The following ZNF462 variants were observed in gnomAD, a reference collection of about 807,000 sequenced individuals.
The protein encoded by ZNF462 is zinc finger protein 462, also known as zinc finger PBX1-interacting protein.
ZNF462 carries 10 observed loss-of-function variants against 201.9 expected under a neutral mutation model. The observed-to-expected ratio is 0.05, with a 90% CI of 0.03 to 0.08. The LOEUF is 0.08. ZNF462 is among the 10% of genes least tolerant of loss of function. ZNF462 has a pLI of 1.00. For synonymous variants in ZNF462, 1,227 were observed against 1,193.3 expected (o/e 1.03, Z -0.58); for missense variants, 2,523 against 3,168.3 (o/e 0.80, Z 4.89).
rs1588150766 is a variant in ZNF462, at chr9:106,981,021, C to G, written c.6833-3165C>G. ...TTCAGAAAACACTGTCAGTCATTTGCCCACCTTTTAAAGTCTGTCTTTTTT... is the reference window on the plus strand; with the variant it reads ...TTCAGAAAACACTGTCAGTCATTTGGCCACCTTTTAAAGTCTGTCTTTTTT... On this transcript the variant is annotated intron_variant, in intron 9 of 12. Coordinates refer to ENST00000277225, the MANE Select transcript of ZNF462 (RefSeq NM_021224.6). This position sits in a 1 kb window ranked among gnomAD's most constrained non-coding sequence, Gnocchi z 4.0. Among the ~76,000 whole-genome samples, 1 of 152,162 alleles carries G rather than the reference C, an allele frequency of 6.6e-6. No homozygotes were observed. The highest frequency in any genetic ancestry group is 2.4e-5 in the African/African-American group (1 of 41,442).
intron 1 of ZNF462, among the ~76,000 whole-genome samples, chr9:106,863,971 G>A (rs879888474): frequency 6.8e-6 from 1 of 146,132 alleles, no homozygotes; most frequent in African/African-American, 2.5e-5. Context: ...TCCCCCTTCT[G>A]TCTGCCTGTC....
rs1203069960 is a variant in ZNF462 at position 106,913,985 on chromosome 9, G to T, written c.-30-9369G>T. ...CTGTGCAAAGGTGGATACAAAGGCC[G>T]TATCACTAGGAAAGACAGACCAGTC... On this transcript the variant is annotated intron_variant, in intron 1 of 12. Coordinates refer to ENST00000277225, the MANE Select transcript of ZNF462 (RefSeq NM_021224.6). This position sits in a 1 kb window ranked among gnomAD's most constrained non-coding sequence, Gnocchi z 4.1. Among the ~76,000 whole-genome samples the T allele has an allele frequency of 6.7e-6, 1 of 149,128 alleles. No individual in the cohort carries two copies. Among genetic ancestry groups the T allele is most frequent in the East Asian group, 2.0e-4 (1 of 5,122 alleles).
intron 7 of ZNF462, among the ~76,000 whole-genome samples, chr9:106,946,974 G>A (rs536701691): frequency 6.6e-6 from 1 of 152,180 alleles, no homozygotes; most frequent in South Asian, 2.1e-4. Context: ...AACATGTTTT[G>A]TTAACCGTAA....
At chr9:106,976,944 C>T (rs576808565) in intron 9 of ZNF462, among the ~76,000 whole-genome samples, 4 of 152,160 alleles carry the variant, frequency 2.6e-5, no homozygotes, top group Admixed American at 6.5e-5. Context: ...ACAGCTCTTG[C>T]CTTTACCCAC....
intron 1 of ZNF462, among the ~76,000 whole-genome samples, chr9:106,868,265 G>C (rs866974537): frequency 3.3e-5 from 5 of 152,098 alleles, no homozygotes; most frequent in African/African-American, 1.2e-4. Context: ...CAAGACATCT[G>C]GCAGATGTTA....
At chr9:106,937,316 A>T (rs1830672033) in intron 6 of ZNF462, among the ~76,000 whole-genome samples, 1 of 152,180 alleles carries the variant, frequency 6.6e-6, no homozygotes, top group Non-Finnish European at 1.5e-5. Context: ...CAGAACTTGG[A>T]TGCTATACTC....
chr9:106,896,261 A>C (rs1828809396), intron 1 of ZNF462, among the ~76,000 whole-genome samples: 1 of 152,122 alleles, frequency 6.6e-6, no homozygotes, highest in Admixed American at 6.5e-5. Flanking sequence ...TAGGCACTCA[A>C]ATGTTTAGTT....
At chr9:106,990,019 TTTTG>T (rs571566278) in intron 10 of ZNF462, among the ~76,000 whole-genome samples, 252 of 152,204 alleles carry the variant, frequency 1.7e-3, no homozygotes, top group Non-Finnish European at 3.3e-3. Flanking sequence ...TTGTATTGTT[TTTTG>T]TTTGTTTGTT....
At chr9:106,860,732 G>A (rs750697951), upstream of ZNF462, among the ~76,000 whole-genome samples, 8 of 152,176 alleles carry the variant, frequency 5.3e-5, no homozygotes, top group Non-Finnish European at 1.0e-4. This position sits in a 1 kb window ranked among gnomAD's most constrained non-coding sequence, Gnocchi z 7.1. Context: ...GCGGAGACCT[G>A]GCGCGCTTCC....
intron 1 of ZNF462, among the ~76,000 whole-genome samples, chr9:106,884,468 T>C (rs1828233669): frequency 1.3e-5 from 2 of 152,124 alleles, no homozygotes; most frequent in African/African-American, 4.8e-5. Context: ...ACTACTGTGG[T>C]TACTGGATAC....
chr9:106,939,806 T>A (rs1400093828), intron 7 of ZNF462, among the ~76,000 whole-genome samples: 1 of 152,216 alleles, frequency 6.6e-6, no homozygotes, highest in Non-Finnish European at 1.5e-5. Flanking sequence ...GATAGTTTAT[T>A]GTTTTTATAA....
intron 1 of ZNF462, among the ~76,000 whole-genome samples, chr9:106,922,709 A>G (rs78100162): frequency 0.019 from 2,844 of 152,302 alleles, 46 homozygotes; most frequent in Non-Finnish European, 0.026. Flanking sequence ...GTAAAACAGC[A>G]AATAGTCATT....
chr9:106,974,240 C>T lies in ZNF462; in HGVS notation c.6799C>T (p.Arg2267Cys), dbSNP rs148065903. Residue 2267 changes from arginine (R) to cysteine (C), a missense_variant, in exon 9 of 13, where the codon CGC becomes TGC. Coordinates refer to ENST00000277225, the MANE Select transcript of ZNF462 (RefSeq NM_021224.6). This position sits in a 1 kb window ranked among gnomAD's most constrained non-coding sequence, Gnocchi z 4.0. Reference protein sequence around the residue: ...PLCLYHTKYKRNMIDHIVLHR... With the variant: ...PLCLYHTKYKCNMIDHIVLHR... ...CTGCCTCTATCACACCAAATACAAGCGCAACATGATTGACCACATCGTGCT... is the reference window on the plus strand; with the variant it reads ...CTGCCTCTATCACACCAAATACAAGTGCAACATGATTGACCACATCGTGCT... The T allele has an allele frequency of 1.7e-5, 27 of 1,614,100 alleles. No homozygotes were observed. The highest frequency in any genetic ancestry group is 1.6e-4 in the East Asian group (7 of 44,872).
At position 106,923,942 on chromosome 9, in the gene ZNF462, A is replaced by G. The variant is rs1259620215; in HGVS notation, c.221-191A>G. Among the ~76,000 whole-genome samples the G allele has an allele frequency of 2.0e-5, 3 of 152,208 alleles. No individual in the cohort carries two copies. The highest frequency in any genetic ancestry group is 7.2e-5 in the African/African-American group (3 of 41,456). On this transcript the variant is annotated intron_variant, in intron 2 of 12. Transcript: ENST00000277225. This position sits in a 1 kb window ranked among gnomAD's most constrained non-coding sequence, Gnocchi z 5.6. The stretch of plus-strand genomic sequence containing the variant: ...ACCTAAAGCTATACACTGCATCTTT[A>G]TCCATGAGAAGGTGCAGTACGTATA...
At chr9:107,002,567 T>C (rs967900719) in intron 10 of ZNF462, among the ~76,000 whole-genome samples, 2 of 150,982 alleles carry the variant, frequency 1.3e-5, no homozygotes, top group Admixed American at 6.6e-5. Flanking sequence ...AATGATACTT[T>C]GAAGAAAGCT....
At chr9:106,921,370 T>A (rs550472761) in intron 1 of ZNF462, among the ~76,000 whole-genome samples, 4 of 152,246 alleles carry the variant, frequency 2.6e-5, no homozygotes, top group African/African-American at 9.6e-5. Flanking sequence ...AGTTAATTCT[T>A]TGTTGGGAAG....
intron 11 of ZNF462, among the ~76,000 whole-genome samples, chr9:107,004,653 T>C (rs1390238617): frequency 6.6e-6 from 1 of 152,176 alleles, no homozygotes; most frequent in East Asian, 1.9e-4. Flanking sequence ...TCAAAATACA[T>C]ATACATTGTG....
rs79904155 is a variant in ZNF462 at position 106,925,477 on chromosome 9, G to C, written c.1565G>C (p.Ser522Thr). ...AATGAAGGTGTGGTGTCTTATGAGA[G>C]CTCAAGCATCAATGGTAGAAAGTCA... ...SLNEGVVSYE[S>T]SSINGRKSGV... The change falls in exon 3 of 13, where the codon AGC becomes ACC. Residue 522 changes from serine to threonine, a missense_variant. Physicochemically the swap from Ser to Thr is moderately conservative, Grantham distance 58 (BLOSUM62 1). Coordinates refer to ENST00000277225, the MANE Select transcript of ZNF462 (RefSeq NM_021224.6). This position sits in a 1 kb window ranked among gnomAD's most constrained non-coding sequence, Gnocchi z 7.9. 1.9e-5 allele frequency: 30 copies of C among 1,614,146 alleles called. No homozygotes were observed. The East Asian group carries it at 6.0e-4, about 32-fold the overall frequency.
rs1831738120 is a variant in ZNF462 at position 106,959,636 on chromosome 9, A to AG, written c.6428-12369_6428-12368insG. Among the ~76,000 whole-genome samples, 9 of 152,102 alleles carry AG rather than the reference A, an allele frequency of 5.9e-5. 1 individual carries two copies. Among genetic ancestry groups the AG allele is most frequent in the African/African-American group, 2.2e-4 (9 of 41,514 alleles). ...GACCTAGAAGGAGGCTCCTCAACAT[A>AG]CTCTGGGAGCTGAAAAGTTGTCTGT... is the stretch of plus-strand genomic sequence containing the variant. On this transcript the variant is annotated intron_variant, in intron 7 of 12. Coordinates refer to ENST00000277225, the MANE Select transcript of ZNF462 (RefSeq NM_021224.6).
Sources: allele counts gnomAD v4.1 joint callset (sites outside exome capture counted in the v4.1 genomes callset), GRCh38; gene constraint gnomAD v4.1.1; non-coding constraint Gnocchi (gnomAD v3.1); transcripts MANE v1.5; gene names NCBI Gene and HGNC (gene_info 2026-07-23, HGNC 2026-07-21).